IL1RAPL2: variants seen among roughly 807,000 people sequenced by gnomAD.
IL1RAPL2 encodes interleukin 1 receptor accessory protein like 2, also known as X-linked interleukin-1 receptor accessory protein-like 2.
IL1RAPL2 carries 3 observed loss-of-function variants against 44.1 expected under a neutral mutation model. The ratio of observed to expected loss-of-function variants is 0.07; its 90% CI spans 0.03 to 0.18. IL1RAPL2 has a LOEUF of 0.18. Among genes scored for constraint, IL1RAPL2 ranks in the 10% least tolerant of loss-of-function variants. The pLI is 1.00. For synonymous variants in IL1RAPL2, 181 were observed against 178.8 expected (o/e 1.01, Z -0.10); for missense variants, 391 against 496.4 (o/e 0.79, Z 2.02).
At chrX:104,786,112 C>T (rs1209254733) in intron 2 of IL1RAPL2, among the ~76,000 whole-genome samples, 1 of 112,385 alleles carries the variant, frequency 8.9e-6, no homozygotes, top group Non-Finnish European at 1.9e-5. Flanking sequence ...TCAGTGCCAA[C>T]CCTAAGCTGT....
At chrX:104,846,508 C>A (rs1922056087) in intron 2 of IL1RAPL2, among the ~76,000 whole-genome samples, 1 of 111,196 alleles carries the variant, frequency 9.0e-6, no homozygotes, top group African/African-American at 3.3e-5. Context: ...CATCCATGTC[C>A]CTACAAAGGA....
intron 2 of IL1RAPL2, among the ~76,000 whole-genome samples, chrX:104,731,955 C>G (rs894461019): frequency 8.0e-5 from 9 of 112,044 alleles, no homozygotes; most frequent in Non-Finnish European, 9.4e-5. Context: ...CCCAAAGCCT[C>G]TATAAACACC....
At chrX:104,589,936 C>A (rs1339654230) in intron 1 of IL1RAPL2, among the ~76,000 whole-genome samples, 7 of 111,965 alleles carry the variant, frequency 6.3e-5, no homozygotes, top group Non-Finnish European at 1.1e-4. Flanking sequence ...AGGCAGGAGG[C>A]TTTAGTTGAA....
chrX:104,997,570 TAATTA>T, intron 2 of IL1RAPL2, among the ~76,000 whole-genome samples: 1 of 111,609 alleles, frequency 9.0e-6, no homozygotes, highest in Middle Eastern at 4.7e-3. Flanking sequence ...GCATGGGAAT[TAATTA>T]AGAGACTTTT....
In IL1RAPL2 at chrX:105,340,062, A is replaced by G. The variant is rs763391461; in HGVS notation, c.697+72521A>G. ...ACTTCTATATGCTGATGACTCTCAA[A>G]TTAAAATATCTGTATCTATCCAACT... On this transcript the variant is annotated intron_variant, in intron 5 of 10. Transcript: ENST00000372582. Among the ~76,000 whole-genome samples, 3 of 111,908 alleles carry G rather than the reference A, an allele frequency of 2.7e-5. No homozygotes were observed. The South Asian group carries it at 1.1e-3, about 42-fold the overall frequency.
At chrX:104,833,851 C>T (rs1921673265) in intron 2 of IL1RAPL2, among the ~76,000 whole-genome samples, 1 of 112,203 alleles carries the variant, frequency 8.9e-6, no homozygotes, top group African/African-American at 3.2e-5. Context: ...TAAGAATCAA[C>T]ATTGCTATGT....
intron 5 of IL1RAPL2, among the ~76,000 whole-genome samples, chrX:105,309,654 C>A (rs767396426): frequency 9.2e-6 from 1 of 108,667 alleles, no homozygotes; most frequent in South Asian, 4.2e-4. Flanking sequence ...ATTGCTTGAG[C>A]CTGGGAGGTG....
intron 5 of IL1RAPL2, among the ~76,000 whole-genome samples, chrX:105,376,923 A>T (rs2035391724): frequency 8.9e-6 from 1 of 112,384 alleles, no homozygotes; most frequent in Admixed American, 9.4e-5. Flanking sequence ...TACTTTTTTC[A>T]GTTAAACAGC....
chrX:104,600,988 G>C (rs1928870913), intron 1 of IL1RAPL2, among the ~76,000 whole-genome samples: 1 of 111,673 alleles, frequency 9.0e-6, no homozygotes, highest in Admixed American at 9.5e-5. Context: ...GTGAATTCAT[G>C]TGTCTTTTTG....
chrX:105,068,706 A>AT, intron 2 of IL1RAPL2, among the ~76,000 whole-genome samples: 1 of 111,577 alleles, frequency 9.0e-6, no homozygotes, highest in Non-Finnish European at 1.9e-5. Flanking sequence ...TCAGTGATAG[A>AT]TTGTACCAGA....
intron 2 of IL1RAPL2, among the ~76,000 whole-genome samples, chrX:104,794,522 A>G (rs989760084): frequency 9.0e-6 from 1 of 111,478 alleles, no homozygotes; most frequent in Non-Finnish European, 1.9e-5. Flanking sequence ...AGGGAGGAAG[A>G]TAGGTGGTGG....
chrX:104,715,684 A>AG (rs1931549621), intron 2 of IL1RAPL2, among the ~76,000 whole-genome samples: 1 of 109,364 alleles, frequency 9.1e-6, no homozygotes, highest in South Asian at 3.9e-4. Context: ...AATTGCTAAA[A>AG]AAAAAAAATA....
At chrX:104,768,140 AT>A (rs921683992) in intron 2 of IL1RAPL2, among the ~76,000 whole-genome samples, 1 of 111,555 alleles carries the variant, frequency 9.0e-6, no homozygotes, top group Non-Finnish European at 1.9e-5. Flanking sequence ...CTCACATATT[AT>A]TTTTTGTGGT....
At chrX:105,243,482 A>G (rs1445514405) in intron 4 of IL1RAPL2, among the ~76,000 whole-genome samples, 1 of 107,667 alleles carries the variant, frequency 9.3e-6, no homozygotes, top group Non-Finnish European at 1.9e-5. Context: ...ACTAATACAA[A>G]TGGTAAGTTT....
At chrX:105,106,454 A>G (rs2032745355) in intron 2 of IL1RAPL2, among the ~76,000 whole-genome samples, 1 of 110,708 alleles carries the variant, frequency 9.0e-6, no homozygotes, top group African/African-American at 3.3e-5. Context: ...TTATATTACT[A>G]TATATTATAT....
At chrX:104,812,700 A>G (rs1921028427) in intron 2 of IL1RAPL2, among the ~76,000 whole-genome samples, 1 of 111,058 alleles carries the variant, frequency 9.0e-6, no homozygotes, top group Non-Finnish European at 1.9e-5. Context: ...AATTATAGTC[A>G]CTATTTAAGT....
At chrX:104,770,588 A>G (rs774865887) in intron 2 of IL1RAPL2, among the ~76,000 whole-genome samples, 1 of 112,234 alleles carries the variant, frequency 8.9e-6, no homozygotes, top group African/African-American at 3.2e-5. Context: ...ACTGAGATTT[A>G]GAGAACTTAA....
chrX:104,601,378 T>G (rs895706718), intron 1 of IL1RAPL2, among the ~76,000 whole-genome samples: 1 of 110,475 alleles, frequency 9.1e-6, no homozygotes, highest in Non-Finnish European at 1.9e-5. Flanking sequence ...CATGTGGTGT[T>G]TGGTTTTTTG....
chrX:105,062,288 T>TAAAC (rs201850719), intron 2 of IL1RAPL2, among the ~76,000 whole-genome samples: 11 of 112,154 alleles, frequency 9.8e-5, no homozygotes, highest in African/African-American at 3.2e-4. Context: ...GCTGTTTGCA[T>TAAAC]AAACAAACAA....
Sources: gnomAD v4.1 joint callset for allele counts (sites outside exome capture counted in the v4.1 genomes callset) on GRCh38, gnomAD v4.1.1 for gene constraint, MANE v1.5 for transcripts, NCBI Gene and HGNC (gene_info 2026-07-23, HGNC 2026-07-21) for gene names.